Variants in COG5 observed in about 807,000 individuals in gnomAD.
COG5 encodes component of oligomeric golgi complex 5.
Under a neutral mutation model 110.4 loss-of-function variants are expected in COG5, and 86 were observed. The ratio of observed to expected loss-of-function variants is 0.78; its 90% confidence interval spans 0.65 to 0.93. The LOEUF (loss-of-function observed/expected upper bound fraction) is 0.93. COG5 is among the 40% of genes least tolerant of loss of function. COG5 has a pLI of 0.00. For missense variants in COG5, 1,077 were observed against 987.0 expected, an observed-to-expected ratio of 1.09 and a Z score of -1.22; for synonymous variants, 360 against 334.6, an observed-to-expected ratio of 1.08 and a Z score of -0.83.
chr7:107,495,284 G>A (rs1040321051), intron 6 of COG5, among the ~76,000 whole-genome samples: 6 of 152,274 alleles, frequency 3.9e-5, no homozygotes, highest in East Asian at 1.9e-4. Context: ...AATCCTTGGC[G>A]ATAGCTAACT....
At chr7:107,346,276 A>G (rs1811591159) in intron 10 of COG5, among the ~76,000 whole-genome samples, 1 of 152,214 alleles carries the variant, frequency 6.6e-6, no homozygotes, top group South Asian at 2.1e-4. Flanking sequence ...ATATTTTATC[A>G]TTTAAAACTA....
At chr7:107,535,568 G>T (rs1399983670) in intron 5 of COG5, among the ~76,000 whole-genome samples, 1 of 147,808 alleles carries the variant, frequency 6.8e-6, no homozygotes, top group Non-Finnish European at 1.5e-5. Flanking sequence ...CAGAAGAAAT[G>T]GATACATTCC....
intron 6 of COG5, among the ~76,000 whole-genome samples, chr7:107,502,147 T>C (rs547024458): frequency 7.2e-5 from 11 of 152,168 alleles, no homozygotes; most frequent in African/African-American, 2.6e-4. Context: ...TAATATGCAG[T>C]TTTTTATCCC....
intron 6 of COG5, among the ~76,000 whole-genome samples, chr7:107,434,795 C>G (rs958235320): frequency 6.6e-6 from 1 of 151,810 alleles, no homozygotes; most frequent in African/African-American, 2.4e-5. Flanking sequence ...ACAGTGAAAC[C>G]CTGTCTCTAC....
chr7:107,513,410 G>A (rs1267499834), intron 6 of COG5, among the ~76,000 whole-genome samples: 3 of 152,192 alleles, frequency 2.0e-5, no homozygotes, highest in Non-Finnish European at 4.4e-5. Context: ...AGGTGCTGGA[G>A]AGGATGTGGA....
At chr7:107,282,512 T>C (rs566578511) in intron 13 of COG5, among the ~76,000 whole-genome samples, 19 of 152,282 alleles carry the variant, frequency 1.2e-4, no homozygotes, top group South Asian at 2.1e-4. Context: ...TATATTATTA[T>C]ACATGTGGCT....
chr7:107,530,657 A>G (rs1801142863), intron 5 of COG5, among the ~76,000 whole-genome samples: 2 of 149,080 alleles, frequency 1.3e-5, no homozygotes, highest in African/African-American at 4.9e-5. Flanking sequence ...CCCCCTTTTT[A>G]GTAAACTTTA....
At chr7:107,562,248 G>A (rs966984156) in intron 1 of COG5, among the ~76,000 whole-genome samples, 8 of 152,198 alleles carry the variant, frequency 5.3e-5, no homozygotes, top group African/African-American at 1.9e-4. Flanking sequence ...AACCAAGGAG[G>A]AAAATACAGA....
intron 10 of COG5, among the ~76,000 whole-genome samples, chr7:107,346,333 T>C (rs980439966): frequency 2.6e-5 from 4 of 152,130 alleles, no homozygotes; most frequent in Non-Finnish European, 5.9e-5. Flanking sequence ...TTAAAATAAG[T>C]CTTGTGAAGG....
intron 7 of COG5, among the ~76,000 whole-genome samples, chr7:107,397,282 C>T (rs1407862783): frequency 6.6e-6 from 1 of 152,154 alleles, no homozygotes; most frequent in East Asian, 1.9e-4. Context: ...GACATAATGG[C>T]TACCGGCATG....
rs1389332024 is a variant in COG5, at chr7:107,549,694, G to T, written c.293-1362C>A. 2.0e-5 allele frequency among the ~76,000 whole-genome samples: 3 copies of T among 151,450 alleles called. No homozygotes were observed. In the East Asian group the frequency reaches 5.8e-4, roughly 30 times the overall value. The stretch of plus-strand genomic sequence containing the variant: ...TGGGATTACAGGCGTGAGCCACCAC[G>T]CCTGGCCTTGTCTAGGCTTTCAAAT... On this transcript the variant is annotated intron_variant, in intron 3 of 21. Coordinates refer to ENST00000297135, the MANE Select transcript of COG5 (RefSeq NM_006348.5).
chr7:107,552,506 G>C (rs1202679029), intron 3 of COG5, among the ~76,000 whole-genome samples: 3 of 151,682 alleles, frequency 2.0e-5, no homozygotes, highest in South Asian at 4.2e-4. Context: ...ATACATGCAG[G>C]CAACACACAT....
chr7:107,481,110 C>T (rs1450099086), intron 6 of COG5, among the ~76,000 whole-genome samples: 3 of 152,104 alleles, frequency 2.0e-5, no homozygotes, highest in African/African-American at 4.8e-5. Flanking sequence ...TATCAAACCC[C>T]GAAGCATCAA....
At chr7:107,360,784 T>C (rs939847537) in intron 10 of COG5, among the ~76,000 whole-genome samples, 2 of 152,198 alleles carry the variant, frequency 1.3e-5, no homozygotes, top group African/African-American at 2.4e-5. Flanking sequence ...AGCTTGTCAC[T>C]CACATACCAC....
chr7:107,508,633 T>C (rs1356042090), intron 6 of COG5, among the ~76,000 whole-genome samples: 1 of 152,052 alleles, frequency 6.6e-6, no homozygotes, highest in East Asian at 1.9e-4. Flanking sequence ...CACCCCCCAG[T>C]AGGGGCACAC....
At chr7:107,242,011 A>T (rs1219890365) in intron 17 of COG5, among the ~76,000 whole-genome samples, 1 of 151,548 alleles carries the variant, frequency 6.6e-6, no homozygotes, top group East Asian at 2.0e-4. Context: ...TGAATTCCTG[A>T]GCTCAAGCAG....
chr7:107,292,853 T>C (rs1806290420), intron 12 of COG5, among the ~76,000 whole-genome samples: 1 of 152,200 alleles, frequency 6.6e-6, no homozygotes, highest in African/African-American at 2.4e-5. Context: ...AATAAGCTAA[T>C]CACTTATGTC....
intron 11 of COG5, among the ~76,000 whole-genome samples, chr7:107,307,908 A>G (rs889037757): frequency 6.6e-6 from 1 of 152,126 alleles, no homozygotes; most frequent in Non-Finnish European, 1.5e-5. Flanking sequence ...CAAATTATTG[A>G]AATAAAAATA....
At chr7:107,425,627 C>T (rs990321698) in intron 6 of COG5, among the ~76,000 whole-genome samples, 5 of 151,986 alleles carry the variant, frequency 3.3e-5, no homozygotes, top group African/African-American at 1.2e-4. Flanking sequence ...CTAAGGTCTG[C>T]AAATTTTAAG....
Sources: allele counts gnomAD v4.1 joint callset (sites outside exome capture counted in the v4.1 genomes callset), GRCh38; gene constraint gnomAD v4.1.1; transcripts MANE v1.5; gene names NCBI Gene and HGNC (gene_info 2026-07-23, HGNC 2026-07-21).